CEP164: variants seen among roughly 807,000 people sequenced by gnomAD.
The protein encoded by CEP164 is centrosomal protein 164.
Under a neutral mutation model 182.7 loss-of-function variants are expected in CEP164, and 162 were observed. That is an observed-to-expected ratio of 0.89 (90% confidence interval 0.78 to 1.01). The LOEUF (loss-of-function observed/expected upper bound fraction) is 1.01. Ranked by LOEUF, CEP164 falls within the 50% of genes least tolerant of loss-of-function variation. The pLI is 0.00. For missense variants in CEP164, 1,735 were observed against 1,790.4 expected (o/e 0.97, Z 0.56); for synonymous variants, 661 against 690.0 (o/e 0.96, Z 0.66).
chr11:117,406,636 C>G (rs1391583988), intron 27 of CEP164, among the ~76,000 whole-genome samples: 1 of 152,204 alleles, frequency 6.6e-6, no homozygotes, highest in Non-Finnish European at 1.5e-5. Context: ...CTTTTGAACA[C>G]ACTTAGCAAA....
At chr11:117,332,974 C>A (rs1021651225) in intron 1 of CEP164, among the ~76,000 whole-genome samples, 3 of 152,116 alleles carry the variant, frequency 2.0e-5, no homozygotes, top group African/African-American at 7.2e-5. Context: ...TAGGACATGT[C>A]CTATTTGTTT....
intron 1 of CEP164, among the ~76,000 whole-genome samples, chr11:117,331,033 C>G (rs609663): frequency 0.25 from 38,111 of 152,144 alleles, 4,880 homozygotes; most frequent in Admixed American, 0.3. Flanking sequence ...CTTCTCCAGT[C>G]AATCTTTTCT....
chr11:117,376,675 G>T (rs1337200665), intron 11 of CEP164, among the ~76,000 whole-genome samples: 1 of 152,224 alleles, frequency 6.6e-6, no homozygotes, highest in Non-Finnish European at 1.5e-5. Flanking sequence ...AGGCAGGCCA[G>T]TTGCATTTGA....
chr11:117,347,084 G>A (rs1379821575), intron 4 of CEP164, among the ~76,000 whole-genome samples: 1 of 152,060 alleles, frequency 6.6e-6, no homozygotes, highest in Non-Finnish European at 1.5e-5. Flanking sequence ...TTGTCTGTTT[G>A]TGTAGGCCTA....
rs1471547366 is a variant in CEP164 at position 117,344,423 on chromosome 11, C to T, written c.194+146C>T. The T allele has an allele frequency of 5.1e-6, 3 of 592,872 alleles. No homozygotes were observed. The African/African-American group carries it at 5.6e-5, about 11-fold the overall frequency. 36.7% of individuals were successfully genotyped at this position (592,872 alleles called of 1,614,324 possible). A position where few individuals can be genotyped will look rare whatever the true frequency, so the allele number is the denominator to read the frequency against. On this transcript the variant is annotated intron_variant, in intron 4 of 32. Transcript: ENST00000278935. The stretch of plus-strand genomic sequence containing the variant: ...ACTGTGCCACCCCTCTGCTATGCTG[C>T]CTGCTATTTCAGGCTTCAGTGTAGG...
At chr11:117,333,099 A>G (rs535821325) in intron 1 of CEP164, among the ~76,000 whole-genome samples, 28 of 152,276 alleles carry the variant, frequency 1.8e-4, no homozygotes, top group African/African-American at 5.3e-4. Flanking sequence ...TGTAGCCTTG[A>G]ACTCCTGGGC....
chr11:117,375,878 C>G, intron 11 of CEP164, 87 bp downstream of exon 11: 1 of 1,154,968 alleles, frequency 8.7e-7, no homozygotes, highest in Non-Finnish European at 1.3e-6. Context: ...CCCTGCCCAT[C>G]ACAGGGTGCA....
chr11:117,350,827 T>A (rs1440275276), intron 4 of CEP164, among the ~76,000 whole-genome samples: 1 of 152,174 alleles, frequency 6.6e-6, no homozygotes, highest in Admixed American at 6.5e-5. Context: ...CTATAAAGAT[T>A]TTGCACATTT....
chr11:117,334,504 C>T (rs964408472), intron 1 of CEP164, among the ~76,000 whole-genome samples: 4 of 152,094 alleles, frequency 2.6e-5, no homozygotes, highest in Non-Finnish European at 5.9e-5. Context: ...TTAAATATAT[C>T]GCCAGGTGCG....
chr11:117,337,491 T>C (rs970070518), intron 2 of CEP164, among the ~76,000 whole-genome samples: 7 of 136,996 alleles, frequency 5.1e-5, no homozygotes, highest in Non-Finnish European at 7.8e-5. Context: ...CAGGGCAACA[T>C]AGTGAGACAC....
chr11:117,354,003 C>CCTT (rs142197131), intron 5 of CEP164, among the ~76,000 whole-genome samples: 64,862 of 119,168 alleles, frequency 0.54, 14,244 homozygotes, highest in Admixed American at 0.56. Flanking sequence ...TTCTTCTTCT[C>CCTT]CTTCTTCTTC....
chr11:117,375,102 G>A (rs367737596), intron 10 of CEP164, among the ~76,000 whole-genome samples: 7 of 152,340 alleles, frequency 4.6e-5, no homozygotes, highest in South Asian at 2.1e-4. Context: ...GGGATGGAAC[G>A]AGCTGGAAAG....
intron 14 of CEP164, among the ~76,000 whole-genome samples, chr11:117,384,372 T>C (rs183113440): frequency 9.2e-5 from 14 of 152,340 alleles, no homozygotes; most frequent in African/African-American, 3.4e-4. Context: ...CAGTGAAAAC[T>C]GTGACCTGGA....
At chr11:117,354,162 G>A (rs655389) in intron 5 of CEP164, among the ~76,000 whole-genome samples, 32,774 of 151,440 alleles carry the variant, frequency 0.22, 3,670 homozygotes, top group African/African-American at 0.27. Context: ...GACTACAGGC[G>A]CCCACCACCG....
rs577191323 is a variant in CEP164, at chr11:117,351,221, G to C, written c.195-569G>C. 6.6e-5 allele frequency among the ~76,000 whole-genome samples: 10 copies of C among 152,188 alleles called. No homozygotes were observed. In the East Asian group the frequency reaches 1.9e-3, roughly 29 times the overall value. ...TAATTTTGTATTTTTAGTAGAGACA[G>C]GGTTTCTCCATGTTGGTCAGGCTGG... On this transcript the variant is annotated intron_variant, in intron 4 of 32. Coordinates refer to ENST00000278935, the MANE Select transcript of CEP164 (RefSeq NM_014956.5).
At chr11:117,383,539 T>C (rs1157688027) in intron 14 of CEP164, among the ~76,000 whole-genome samples, 1 of 152,250 alleles carries the variant, frequency 6.6e-6, no homozygotes, top group African/African-American at 2.4e-5. Context: ...ATTGATCTTT[T>C]GTGCTTGTGT....
chr11:117,345,781 G>A (rs1348298778), intron 4 of CEP164, among the ~76,000 whole-genome samples: 1 of 151,904 alleles, frequency 6.6e-6, no homozygotes, highest in Non-Finnish European at 1.5e-5. Flanking sequence ...CCACCTCCCG[G>A]AGGTGGAGCG....
intron 28 of CEP164, chr11:117,408,468 A>G (rs2046962436): frequency 4.2e-6 from 1 of 239,224 alleles, no homozygotes; most frequent in Non-Finnish European, 8.3e-6. Flanking sequence ...GGGAGAGCTT[A>G]CTGGGAAGGG....
intron 14 of CEP164, 56 bp from the exon 15 acceptor site, chr11:117,387,147 G>A (rs759404790): frequency 1.7e-5 from 24 of 1,444,814 alleles, no homozygotes; most frequent in Non-Finnish European, 2.2e-5. Context: ...TAACCTGGAT[G>A]CAGAGGTGGG....
Sources: gnomAD v4.1 joint callset for allele counts (sites outside exome capture counted in the v4.1 genomes callset) on GRCh38, gnomAD v4.1.1 for gene constraint, MANE v1.5 for transcripts, NCBI Gene and HGNC (gene_info 2026-07-23, HGNC 2026-07-21) for gene names.